GLIS3: variants seen among roughly 807,000 people sequenced by gnomAD.
GLIS3 encodes GLIS family zinc finger 3.
Under a neutral mutation model 78.6 loss-of-function variants are expected in GLIS3, and 53 were observed. That is an observed-to-expected ratio of 0.67 (90% CI 0.54 to 0.85). The LOEUF is 0.85. Among genes scored for constraint, GLIS3 ranks in the 40% least tolerant of loss-of-function variants. The pLI, the probability that GLIS3 is intolerant of heterozygous loss-of-function variation, is 0.00. For missense variants in GLIS3, 1,703 were observed against 1,231.1 expected (o/e 1.38, Z -5.74); for synonymous variants, 684 against 509.9 (o/e 1.34, Z -4.60).
At chr9:4,210,881 G>C (rs556729608) in intron 2 of GLIS3, among the ~76,000 whole-genome samples, 2 of 152,106 alleles carry the variant, frequency 1.3e-5, no homozygotes, top group African/African-American at 2.4e-5. Flanking sequence ...TTCTTCCAAG[G>C]TAAATTCCAC....
chr9:4,177,213 C>G (rs1318972155), intron 2 of GLIS3, among the ~76,000 whole-genome samples: 3 of 152,176 alleles, frequency 2.0e-5, no homozygotes, highest in African/African-American at 7.2e-5. Flanking sequence ...GTTCAGTTTT[C>G]TCCAAAGGAT....
the GLIS3 span, among the ~76,000 whole-genome samples, chr9:4,357,727 C>A: frequency 1.3e-5 from 2 of 152,146 alleles, no homozygotes; most frequent in African/African-American, 4.8e-5. Flanking sequence ...AGCCTTTGAT[C>A]AAACTAGTGG....
chr9:4,300,246 A>ACACACACACACACACT (rs1491535352), upstream of GLIS3, among the ~76,000 whole-genome samples: 4 of 131,446 alleles, frequency 3.0e-5, no homozygotes, highest in African/African-American at 1.1e-4. Context: ...ACACACACAC[A>ACACACACACACACACT]CTCCCCGTGC....
intron 6 of GLIS3, among the ~76,000 whole-genome samples, chr9:3,913,875 A>C (rs1399675788): frequency 1.3e-5 from 2 of 152,180 alleles, no homozygotes; most frequent in African/African-American, 4.8e-5. Flanking sequence ...TTTCACATGA[A>C]AGGTACTCTA....
the GLIS3 span, among the ~76,000 whole-genome samples, chr9:4,483,592 C>T: frequency 3.9e-4 from 60 of 151,984 alleles, no homozygotes; most frequent in Non-Finnish European, 6.5e-4. Flanking sequence ...TGGTGGTGCA[C>T]GCCTGTAATC....
chr9:4,032,904 A>G (rs1395303468), intron 4 of GLIS3, among the ~76,000 whole-genome samples: 1 of 151,106 alleles, frequency 6.6e-6, no homozygotes, highest in Non-Finnish European at 1.5e-5. Context: ...CCCAGGCTGG[A>G]GTGCGGTGGC....
At chr9:4,005,001 CAGG>C (rs1364136370) in intron 4 of GLIS3, among the ~76,000 whole-genome samples, 2 of 152,214 alleles carry the variant, frequency 1.3e-5, no homozygotes, top group Non-Finnish European at 2.9e-5. Flanking sequence ...CCTCAATTCA[CAGG>C]CAGGAATCTA....
chr9:4,340,721 C>G (rs1188703705), intron 2 of GLIS3, among the ~76,000 whole-genome samples: 2 of 152,178 alleles, frequency 1.3e-5, no homozygotes, highest in African/African-American at 4.8e-5. Context: ...CAGAGTCTCG[C>G]TCTGTCACCC....
At chr9:4,231,771 C>G (rs938003215) in intron 2 of GLIS3, among the ~76,000 whole-genome samples, 1 of 152,162 alleles carries the variant, frequency 6.6e-6, no homozygotes, top group Non-Finnish European at 1.5e-5. Flanking sequence ...TTCAGGCATT[C>G]AAAGATCAAA....
chr9:4,198,356 G>C (rs1463831762), intron 2 of GLIS3, among the ~76,000 whole-genome samples: 1 of 152,052 alleles, frequency 6.6e-6, no homozygotes. Flanking sequence ...TTCCTTACAT[G>C]AGTTTCTAAT....
the GLIS3 span, among the ~76,000 whole-genome samples, chr9:4,393,212 G>A: frequency 2.6e-5 from 4 of 152,052 alleles, no homozygotes; most frequent in Non-Finnish European, 4.4e-5. Context: ...GTACATACCT[G>A]TATGTCTCTC....
the GLIS3 span, among the ~76,000 whole-genome samples, chr9:4,381,052 T>C: frequency 2.1e-4 from 32 of 152,056 alleles, no homozygotes; most frequent in Non-Finnish European, 4.0e-4. Flanking sequence ...GGTAAAAAGA[T>C]AGGAGAAATT....
intron 9 of GLIS3, among the ~76,000 whole-genome samples, chr9:3,830,703 A>T (rs1408078433): frequency 2.0e-5 from 3 of 152,238 alleles, no homozygotes; most frequent in African/African-American, 7.2e-5. Flanking sequence ...TTGGACCCTT[A>T]TTCCTGTGTG....
intron 2 of GLIS3, among the ~76,000 whole-genome samples, chr9:4,208,628 C>A (rs1047811568): frequency 6.6e-5 from 10 of 152,126 alleles, no homozygotes; most frequent in Non-Finnish European, 1.5e-5. Context: ...TAAAGTGTGA[C>A]TGAAATTGTC....
chr9:4,034,421 G>A (rs1236429081), intron 4 of GLIS3: 1 of 152,134 alleles, frequency 6.6e-6, no homozygotes, highest in Non-Finnish European at 1.5e-5. Flanking sequence ...GCAGAGACCT[G>A]TAAGCATGTT....
intron 2 of GLIS3, among the ~76,000 whole-genome samples, chr9:4,346,579 T>C (rs1009497108): frequency 9.2e-5 from 14 of 152,208 alleles, no homozygotes; most frequent in Admixed American, 9.2e-4. Flanking sequence ...AAGAGCAGAA[T>C]TGCCAGTCTC....
chr9:3,964,920 G>C (rs1021628438), intron 4 of GLIS3, among the ~76,000 whole-genome samples: 1 of 152,144 alleles, frequency 6.6e-6, no homozygotes. Flanking sequence ...AGGACATGGA[G>C]CTAAGGGTAT....
chr9:4,455,730 T>A, the GLIS3 span, among the ~76,000 whole-genome samples: 2 of 152,118 alleles, frequency 1.3e-5, no homozygotes, highest in Non-Finnish European at 2.9e-5. Flanking sequence ...AGGCATACTG[T>A]GGGGATATTG....
chr9:4,023,680 G>A (rs929696591), intron 4 of GLIS3, among the ~76,000 whole-genome samples: 1 of 152,200 alleles, frequency 6.6e-6, no homozygotes, highest in African/African-American at 2.4e-5. Flanking sequence ...GAAAGAAGGT[G>A]TCAACACAGA....
Sources: gnomAD v4.1 joint callset for allele counts (sites outside exome capture counted in the v4.1 genomes callset) on GRCh38, gnomAD v4.1.1 for gene constraint, MANE v1.5 for transcripts, NCBI Gene and HGNC (gene_info 2026-07-23, HGNC 2026-07-21) for gene names.